Variants in GTSE1 observed in about 807,000 individuals in gnomAD.
GTSE1 encodes the protein G2 and S-phase expressed 1, also known as G2 and S phase-expressed protein 1.
In GTSE1, 52 loss-of-function variants were observed where a neutral mutation model predicts 60.5. That is an observed-to-expected ratio of 0.86 (90% confidence interval 0.69 to 1.08). The LOEUF (loss-of-function observed/expected upper bound fraction) is 1.08. GTSE1 is among the 50% of genes least tolerant of loss of function. The probability of loss-of-function intolerance (pLI) is 0.00; values close to 1 mark genes in which losing one functional copy is unlikely to be tolerated. For synonymous variants in GTSE1, 368 were observed against 386.5 expected (o/e 0.95, Z 0.56); for missense variants, 937 against 961.8 (o/e 0.97, Z 0.34).
At chr22:46,326,821 A>G (rs1393756266) in intron 9 of GTSE1, 167 bp downstream of exon 9, 4 of 549,188 alleles carry the variant, frequency 7.3e-6, no homozygotes, top group Non-Finnish European at 1.3e-5. Flanking sequence ...AATAGACATG[A>G]GCATAGAGGA....
In GTSE1 at chr22:46,329,752, G is replaced by A. The variant is rs2077865427; in HGVS notation, c.2136+185G>A. On this transcript the variant is annotated intron_variant, in intron 11 of 11. Coordinates refer to ENST00000454366, the MANE Select transcript of GTSE1 (RefSeq NM_016426.7). This position sits in a 1 kb window ranked among gnomAD's most constrained non-coding sequence, Gnocchi z 6.4. ...CTCAAAGATCAGCTGCCTCTGAGGT[G>A]CCCTGCCAGGACCCTGCCAGCTCTT... Among the ~76,000 whole-genome samples, 1 of 152,204 alleles carries A rather than the reference G, an allele frequency of 6.6e-6. No homozygotes were observed. The highest frequency in any genetic ancestry group is 2.1e-4 in the South Asian group (1 of 4,830).
rs1569043293 is a variant in GTSE1, at chr22:46,316,898, G to C, written c.1432+486G>C. 6.6e-6 allele frequency among the ~76,000 whole-genome samples: 1 copy of C among 151,452 alleles called. No individual in the cohort carries two copies. Among genetic ancestry groups the C allele is most frequent in the Non-Finnish European group, 1.5e-5 (1 of 67,798 alleles). ...TTGTCTCACAGGACACCGAAGCTCT[G>C]TTCTTTTTTTTATTTCAGCCTTTTT... On this transcript the variant is annotated intron_variant, in intron 7 of 11. Coordinates refer to ENST00000454366, the MANE Select transcript of GTSE1 (RefSeq NM_016426.7). The surrounding 1 kb of genome is among the most constrained non-coding windows in gnomAD (Gnocchi z 5.0).
chr22:46,302,489 C>G (rs2077694722), intron 2 of GTSE1, among the ~76,000 whole-genome samples: 1 of 147,860 alleles, frequency 6.8e-6, no homozygotes, highest in African/African-American at 2.6e-5. Context: ...ATCCTCCTTC[C>G]TAAGCCTCCC....
rs768480840 is a variant in GTSE1 at position 46,297,999 on chromosome 22, C to G, written c.79+520C>G. 2.0e-5 allele frequency among the ~76,000 whole-genome samples: 3 copies of G among 152,060 alleles called. No individual in the cohort carries two copies. Among genetic ancestry groups the G allele is most frequent in the East Asian group, 3.8e-4 (2 of 5,198 alleles). On this transcript the variant is annotated intron_variant, in intron 2 of 11. Coordinates refer to ENST00000454366, the MANE Select transcript of GTSE1 (RefSeq NM_016426.7). The surrounding 1 kb of genome is among the most constrained non-coding windows in gnomAD (Gnocchi z 4.9). The stretch of plus-strand genomic sequence containing the variant: ...TTATTTATTGACGGAGTCTCGCTCT[C>G]TCACCCAGGCTGGAGTGCAAAGGCG...
At chr22:46,327,957 T>C (rs372037250) in intron 9 of GTSE1, among the ~76,000 whole-genome samples, 5 of 152,290 alleles carry the variant, frequency 3.3e-5, no homozygotes, top group East Asian at 1.9e-4. Flanking sequence ...TAAATAGGAA[T>C]ATGTGTTTAA....
chr22:46,326,469 A>G lies in GTSE1; in HGVS notation c.1539A>G (p.Ser513=). The change falls in exon 9 of 12, where the codon TCA becomes TCG. Residue 513 remains serine, a synonymous_variant. Coordinates refer to ENST00000454366, the MANE Select transcript of GTSE1 (RefSeq NM_016426.7). Reference sequence around the variant, plus strand: ...TCCACAGCACCCCGGTTAGACGCTCATCTGGGCCAGCACCACAAAGCCTGC... The same window carrying G: ...TCCACAGCACCCCGGTTAGACGCTCGTCTGGGCCAGCACCACAAAGCCTGC... ...VTVHSTPVRR[S]SGPAPQSLLS... The G allele has an allele frequency of 6.2e-7, 1 of 1,610,814 alleles. No homozygotes were observed. Among genetic ancestry groups the G allele is most frequent in the East Asian group, 2.2e-5 (1 of 44,776 alleles).
In GTSE1 at chr22:46,301,469, G is replaced by A. The variant is rs1189377148; in HGVS notation, c.79+3990G>A. ...TATAGGCGAAAACTGCATTCTCAGA[G>A]CAAGTTTATTTTTAATACTTTTTTT... is the stretch of plus-strand genomic sequence containing the variant. On this transcript the variant is annotated intron_variant, in intron 2 of 11. Coordinates refer to ENST00000454366, the MANE Select transcript of GTSE1 (RefSeq NM_016426.7). 2.2e-5 allele frequency among the ~76,000 whole-genome samples: 3 copies of A among 138,114 alleles called. No individual in the cohort carries two copies. In the East Asian group the frequency reaches 6.4e-4, roughly 29 times the overall value. The allele number at this position is 138,114 out of a possible 152,430, so 90.6% of individuals were successfully genotyped here.
Position 46,313,938 on chromosome 22 carries a change from C to G in GTSE1, c.976C>G (p.Leu326Val). 2 of 1,614,214 alleles carry G rather than the reference C, an allele frequency of 1.2e-6. No homozygotes were observed. Among genetic ancestry groups the G allele is most frequent in the Non-Finnish European group, 1.7e-6 (2 of 1,180,012 alleles). ...LLKAPGSTSN[L>V]ARKSSSGPVW... ...AAAAGCACCCGGCTCTACCAGCAAT[C>G]TCGCAAGGAAGTCCTCCTCGGGGCC... The change falls in exon 6 of 12, where the codon CTC becomes GTC. Residue 326 changes from leucine to valine, a missense_variant. By Grantham distance (32) the Leu-to-Val change is conservative. Transcript: ENST00000454366. This position sits in a 1 kb window ranked among gnomAD's most constrained non-coding sequence, Gnocchi z 4.4.
chr22:46,323,614 T>C (rs1157926239), intron 8 of GTSE1, among the ~76,000 whole-genome samples: 2 of 152,198 alleles, frequency 1.3e-5, no homozygotes, highest in Non-Finnish European at 2.9e-5. Flanking sequence ...GCAGCTGGAT[T>C]TCCTAAAGCT....
At position 46,317,772 on chromosome 22, in the gene GTSE1, C is replaced by T. The variant is rs985969622; in HGVS notation, c.1432+1360C>T. 2.0e-5 allele frequency among the ~76,000 whole-genome samples: 3 copies of T among 152,242 alleles called. No homozygotes were observed. Among genetic ancestry groups the T allele is most frequent in the African/African-American group, 7.2e-5 (3 of 41,476 alleles). On this transcript the variant is annotated intron_variant, in intron 7 of 11. Coordinates refer to ENST00000454366, the MANE Select transcript of GTSE1 (RefSeq NM_016426.7). This position sits in a 1 kb window ranked among gnomAD's most constrained non-coding sequence, Gnocchi z 5.6. ...CTTCCCAAGGCCTCTGCTGCACACC[C>T]GTGTGTCCCGCAAGGCCCGCGAGAC...
intron 2 of GTSE1, 43 bp from the exon 3 acceptor site, chr22:46,308,107 A>T (rs1317265191): frequency 7.6e-7 from 1 of 1,317,680 alleles, no homozygotes; most frequent in South Asian, 1.2e-5. Context: ...TTTTCTCTTT[A>T]TCAGCTGTGG....
chr22:46,308,344 T>C lies in GTSE1; in HGVS notation c.163T>C (p.Phe55Leu). 6.2e-7 allele frequency: 1 copy of C among 1,614,010 alleles called. No individual in the cohort carries two copies. The highest frequency in any genetic ancestry group is 8.5e-7 in the Non-Finnish European group (1 of 1,179,860). The part of the protein sequence containing the change: ...SSANEDDEVF[F>L]GPFGHKERCI... Reference sequence around the variant, plus strand: ...TGCAAATGAAGATGATGAAGTCTTCTTCGGACCCTTTGGACATAAAGAAAG... The same window carrying C: ...TGCAAATGAAGATGATGAAGTCTTCCTCGGACCCTTTGGACATAAAGAAAG... The change falls in exon 4 of 12, where the codon TTC (phenylalanine) becomes CTC (leucine). Residue 55 changes from phenylalanine to leucine, a missense_variant. By Grantham distance (22) the Phe-to-Leu change is conservative (BLOSUM62 0). Coordinates refer to ENST00000454366, the MANE Select transcript of GTSE1 (RefSeq NM_016426.7).
chr22:46,322,749 G>A (rs1176274936), intron 7 of GTSE1, among the ~76,000 whole-genome samples: 2 of 152,212 alleles, frequency 1.3e-5, no homozygotes, highest in Admixed American at 6.5e-5. Flanking sequence ...CATGGTTCGG[G>A]AAAATGAGGG....
At chr22:46,298,820 C>A (rs993983167) in intron 2 of GTSE1, among the ~76,000 whole-genome samples, 1 of 152,216 alleles carries the variant, frequency 6.6e-6, no homozygotes, top group Non-Finnish European at 1.5e-5. Flanking sequence ...GACTTCATTT[C>A]CTTACTTTTC....
chr22:46,313,890 T>G lies in GTSE1; in HGVS notation c.928T>G (p.Leu310Val), dbSNP rs756725194. 8.1e-6 allele frequency: 13 copies of G among 1,613,982 alleles called. No individual in the cohort carries two copies. The highest frequency in any genetic ancestry group is 1.7e-5 in the Admixed American group (1 of 60,010). The change falls in exon 6 of 12, where the codon TTG becomes GTG. Residue 310 changes from leucine to valine, a missense_variant and splice_region_variant. Transcript: ENST00000454366. This position sits in a 1 kb window ranked among gnomAD's most constrained non-coding sequence, Gnocchi z 4.4. ...GKRAIPVPNK[L>V]GLKKTLLKAP... The stretch of plus-strand genomic sequence containing the variant: ...TCTGTTTTTTCACATTTTGCCCCAG[T>G]TGGGGCTGAAGAAGACCCTGTTAAA...
Position 46,308,327 on chromosome 22 carries a change from A to C in GTSE1, c.146A>C (p.Glu49Ala). Residue 49 changes from glutamate (E) to alanine (A), a missense_variant, in exon 4 of 12, where the codon GAA becomes GCA. Transcript: ENST00000454366. ...TTTTTTTAAACAAATAGTGCAAATG[A>C]AGATGATGAAGTCTTCTTCGGACCC... ...DLSLSSSSAN[E>A]DDEVFFGPFG... 6.2e-7 allele frequency: 1 copy of C among 1,612,606 alleles called. No individual in the cohort carries two copies. Among genetic ancestry groups the C allele is most frequent in the Non-Finnish European group, 8.5e-7 (1 of 1,178,806 alleles).
Position 46,297,530 on chromosome 22 carries a change from A to T in GTSE1, c.79+51A>T, listed in dbSNP as rs764706868. On this transcript the variant is annotated intron_variant, in intron 2 of 11. Coordinates refer to ENST00000454366, the MANE Select transcript of GTSE1 (RefSeq NM_016426.7). The surrounding 1 kb of genome is among the most constrained non-coding windows in gnomAD (Gnocchi z 4.9). Reference sequence around the variant, plus strand: ...TTGTTGTTCAGGATGTTCAGTAGAGATGGAGGGTGATTTAATGTTTCCCTG... The same window carrying T: ...TTGTTGTTCAGGATGTTCAGTAGAGTTGGAGGGTGATTTAATGTTTCCCTG... The T allele has an allele frequency of 8.2e-7, 1 of 1,216,928 alleles. No individual in the cohort carries two copies. The highest frequency in any genetic ancestry group is 1.2e-6 in the Non-Finnish European group (1 of 830,994). 75.4% of individuals were successfully genotyped at this position (1,216,928 alleles called of 1,614,324 possible). A position where few individuals can be genotyped will look rare whatever the true frequency, so the allele number is the denominator to read the frequency against.
intron 9 of GTSE1, among the ~76,000 whole-genome samples, chr22:46,327,697 AC>A (rs772048027): frequency 1.1e-4 from 17 of 152,210 alleles, no homozygotes; most frequent in Admixed American, 7.2e-4. Flanking sequence ...AAACAAAAAA[AC>A]ATATATAATA....
At chr22:46,312,511 C>A (rs2077754629) in intron 5 of GTSE1, among the ~76,000 whole-genome samples, 1 of 151,802 alleles carries the variant, frequency 6.6e-6, no homozygotes, top group Non-Finnish European at 1.5e-5. Flanking sequence ...TGGTGGTGAG[C>A]AACGGCAGTC....
Sources: allele counts gnomAD v4.1 joint callset (sites outside exome capture counted in the v4.1 genomes callset), GRCh38; gene constraint gnomAD v4.1.1; non-coding constraint Gnocchi (gnomAD v3.1); transcripts MANE v1.5; gene names NCBI Gene and HGNC (gene_info 2026-07-23, HGNC 2026-07-21).